Variants in STARD13 observed in about 807,000 individuals in gnomAD.
The protein encoded by STARD13 is stAR-related lipid transfer protein 13.
STARD13 carries 62 observed loss-of-function variants against 106.4 expected under a neutral mutation model. The observed-to-expected ratio is 0.58, with a 90% confidence interval of 0.48 to 0.72. The LOEUF (loss-of-function observed/expected upper bound fraction) is 0.72, where lower values mean the gene tolerates loss of function less well. Among genes scored for constraint, STARD13 ranks in the 30% least tolerant of loss-of-function variants. The pLI is 0.00. For missense variants in STARD13, 1,387 were observed against 1,424.0 expected (o/e 0.97, Z 0.42); for synonymous variants, 565 against 553.0 (o/e 1.02, Z -0.31).
chr13:33,122,043 A>C (rs1485178358), intron 7 of STARD13, among the ~76,000 whole-genome samples: 1 of 152,124 alleles, frequency 6.6e-6, no homozygotes, highest in Non-Finnish European at 1.5e-5. Context: ...ACAGGGTTTT[A>C]CCATGTTGGC....
At chr13:33,573,870 C>T in the STARD13 span, among the ~76,000 whole-genome samples, 3 of 152,000 alleles carry the variant, frequency 2.0e-5, no homozygotes, top group Non-Finnish European at 4.4e-5. Context: ...GCATTTAATT[C>T]CCAGAACAAA....
intron 3 of STARD13, among the ~76,000 whole-genome samples, chr13:33,151,650 A>C (rs1269021267): frequency 6.6e-6 from 1 of 152,250 alleles, no homozygotes; most frequent in Non-Finnish European, 1.5e-5. Context: ...GGGCTAGATC[A>C]CAAAGGATTC....
chr13:33,523,216 G>A, the STARD13 span, among the ~76,000 whole-genome samples: 1 of 152,044 alleles, frequency 6.6e-6, no homozygotes, highest in African/African-American at 2.4e-5. Context: ...TATTCCCTGA[G>A]CCTCTTCTTT....
At chr13:33,294,940 T>C (rs1892430079) in intron 1 of STARD13, among the ~76,000 whole-genome samples, 1 of 152,160 alleles carries the variant, frequency 6.6e-6, no homozygotes. Flanking sequence ...GATTACCCAG[T>C]GAGAGGCACA....
intron 3 of STARD13, among the ~76,000 whole-genome samples, chr13:33,144,582 C>T (rs34527844): frequency 0.026 from 3,980 of 152,330 alleles, 121 homozygotes; most frequent in Non-Finnish European, 0.034. Context: ...CCTCTGACTA[C>T]GCATTCATTA....
intron 7 of STARD13, among the ~76,000 whole-genome samples, chr13:33,118,807 C>A (rs543257178): frequency 1.3e-5 from 2 of 152,298 alleles, no homozygotes; most frequent in South Asian, 4.2e-4. Flanking sequence ...GGAATATGTT[C>A]ATGAAACAGA....
At chr13:33,593,968 G>A in the STARD13 span, among the ~76,000 whole-genome samples, 3 of 151,956 alleles carry the variant, frequency 2.0e-5, no homozygotes, top group East Asian at 3.9e-4. Flanking sequence ...GTGCAGTGAC[G>A]CGATCTCGAC....
At chr13:33,488,233 C>T in the STARD13 span, among the ~76,000 whole-genome samples, 31,017 of 152,126 alleles carry the variant, frequency 0.2, 5,599 homozygotes, top group African/African-American at 0.49. Context: ...TCTCCATCTC[C>T]GCTAGCACGA....
chr13:33,542,153 G>A, the STARD13 span, among the ~76,000 whole-genome samples: 1 of 152,288 alleles, frequency 6.6e-6, no homozygotes, highest in East Asian at 1.9e-4. Flanking sequence ...CACACGAGTA[G>A]TCTATTTGTT....
chr13:33,425,336 G>A, the STARD13 span, among the ~76,000 whole-genome samples: 19 of 152,270 alleles, frequency 1.2e-4, no homozygotes, highest in Admixed American at 9.8e-4. Flanking sequence ...GCACCACATA[G>A]TTGACGGAAC....
the STARD13 span, among the ~76,000 whole-genome samples, chr13:33,394,417 G>T: frequency 6.2e-4 from 95 of 152,092 alleles, 3 homozygotes; most frequent in Non-Finnish European, 2.2e-4. Context: ...ACCCTATGTG[G>T]CCTGTGGCTA....
At chr13:33,580,059 G>A in the STARD13 span, among the ~76,000 whole-genome samples, 1 of 151,980 alleles carries the variant, frequency 6.6e-6, no homozygotes, top group East Asian at 1.9e-4. Context: ...TGCACTCCTT[G>A]GTATTAACCC....
chr13:33,107,045 T>G, intron 12 of STARD13, 111 bp from the exon 13 acceptor site: 1 of 1,007,314 alleles, frequency 9.9e-7, no homozygotes, highest in Admixed American at 2.5e-5. Context: ...TGGGCTCAGA[T>G]TCCAATGCTA....
intron 7 of STARD13, among the ~76,000 whole-genome samples, chr13:33,124,648 G>A (rs1026151929): frequency 6.6e-6 from 1 of 152,070 alleles, no homozygotes; most frequent in East Asian, 1.9e-4. Context: ...AGCTACGGGG[G>A]GCAGGAATGG....
the STARD13 span, among the ~76,000 whole-genome samples, chr13:33,494,913 T>C: frequency 2.0e-5 from 3 of 152,000 alleles, no homozygotes; most frequent in Admixed American, 1.3e-4. Flanking sequence ...TAAAAACAAA[T>C]GCGCCCCCAA....
At chr13:33,503,108 A>G in the STARD13 span, among the ~76,000 whole-genome samples, 2 of 152,042 alleles carry the variant, frequency 1.3e-5, no homozygotes, top group Non-Finnish European at 2.9e-5. Flanking sequence ...GTTTAGGCTT[A>G]GGAGGGTGTA....
At chr13:33,630,058 C>A in the STARD13 span, among the ~76,000 whole-genome samples, 1 of 152,158 alleles carries the variant, frequency 6.6e-6, no homozygotes, top group Non-Finnish European at 1.5e-5. Context: ...TTCACATTTA[C>A]ATAATTTTTG....
Position 33,111,866 on chromosome 13 carries a change from C to T in STARD13, c.2519G>A (p.Gly840Glu). ...GTTGAGGTCCTTTTGATCTGGCTTCCCAGTGGCATATTTCTTCTGTATGAC... is the reference window on the plus strand; with the variant it reads ...GTTGAGGTCCTTTTGATCTGGCTTCTCAGTGGCATATTTCTTCTGTATGAC... ...PRVIQKKYAT[G>E]KPDQKDLNEN... The change falls in exon 10 of 14, where the codon GGG becomes GAG. Residue 840 changes from glycine to glutamate, a missense_variant. Coordinates refer to ENST00000336934, the MANE Select transcript of STARD13 (RefSeq NM_178006.4). The T allele has an allele frequency of 6.2e-7, 1 of 1,613,896 alleles. No individual in the cohort carries two copies. The highest frequency in any genetic ancestry group is 8.5e-7 in the Non-Finnish European group (1 of 1,179,792).
intron 1 of STARD13, among the ~76,000 whole-genome samples, chr13:33,329,879 T>A (rs1387262088): frequency 6.6e-6 from 1 of 152,076 alleles, no homozygotes; most frequent in Non-Finnish European, 1.5e-5. Flanking sequence ...AATTTTTGTA[T>A]TTTTAGTAGA....
Sources: gnomAD v4.1 joint callset for allele counts (sites outside exome capture counted in the v4.1 genomes callset) on GRCh38, gnomAD v4.1.1 for gene constraint, MANE v1.5 for transcripts, NCBI Gene and HGNC (gene_info 2026-07-23, HGNC 2026-07-21) for gene names.